RORA: variants seen among roughly 807,000 people sequenced by gnomAD.
RORA encodes RAR related orphan receptor A.
In RORA, 7 loss-of-function variants were observed where a neutral mutation model predicts 69.5. The ratio of observed to expected loss-of-function variants is 0.10; its 90% CI spans 0.06 to 0.19. RORA has a LOEUF of 0.19. RORA is among the 10% of genes least tolerant of loss of function. RORA has a pLI of 1.00. For synonymous variants in RORA, 261 were observed against 240.8 expected, an observed-to-expected ratio of 1.08 and a Z score of -0.78; for missense variants, 457 against 663.0, an observed-to-expected ratio of 0.69 and a Z score of 3.41.
At chr15:61,155,954 TATACAG>T (rs2079438143) in intron 1 of RORA, among the ~76,000 whole-genome samples, 2 of 152,174 alleles carry the variant, frequency 1.3e-5, no homozygotes, top group Non-Finnish European at 2.9e-5. Flanking sequence ...AAAACGGGAT[TATACAG>T]AGAAGACACC....
At chr15:60,589,282 G>A (rs1168826307) in intron 2 of RORA, among the ~76,000 whole-genome samples, 1 of 152,238 alleles carries the variant, frequency 6.6e-6, no homozygotes, top group Non-Finnish European at 1.5e-5. Flanking sequence ...AACACATACA[G>A]TATTTTCAAA....
chr15:60,786,509 A>G (rs1354689033), intron 1 of RORA, among the ~76,000 whole-genome samples: 3 of 152,196 alleles, frequency 2.0e-5, no homozygotes, highest in African/African-American at 7.2e-5. Context: ...GGCACAGTCC[A>G]GGCAGGTGGG....
At chr15:61,064,950 C>A (rs1248977611) in intron 1 of RORA, among the ~76,000 whole-genome samples, 1 of 152,210 alleles carries the variant, frequency 6.6e-6, no homozygotes, top group Non-Finnish European at 1.5e-5. Flanking sequence ...CATCTCCCAG[C>A]AACAGAGACT....
chr15:60,597,573 TAC>T lies in RORA; in HGVS notation c.197-65724_197-65723del, dbSNP rs1555435972. ...CAACATATATATATATATATATATA[TAC>T]ACATATATATATATATATACACATA... On this transcript the variant is annotated intron_variant, in intron 2 of 10. Coordinates refer to ENST00000335670, the MANE Select transcript of RORA (RefSeq NM_134261.3). 2.3e-3 allele frequency among the ~76,000 whole-genome samples: 88 copies of T among 38,112 alleles called. 6 individuals carry two copies. Among genetic ancestry groups the T allele is most frequent in the African/African-American group, 7.2e-3 (65 of 8,974 alleles). 25.0% of individuals were successfully genotyped at this position (38,112 alleles called of 152,430 possible).
chr15:61,070,750 G>A (rs2078330117), intron 1 of RORA, among the ~76,000 whole-genome samples: 1 of 152,142 alleles, frequency 6.6e-6, no homozygotes, highest in African/African-American at 2.4e-5. Context: ...GTAGGTGTTG[G>A]AGTTTGTACT....
chr15:60,800,869 G>A (rs2072569699), intron 1 of RORA, among the ~76,000 whole-genome samples: 1 of 152,176 alleles, frequency 6.6e-6, no homozygotes, highest in Non-Finnish European at 1.5e-5. Flanking sequence ...TTGGGCTGCA[G>A]TTAGTTCTTA....
At chr15:60,977,410 T>A (rs968085594) in intron 1 of RORA, among the ~76,000 whole-genome samples, 12 of 152,180 alleles carry the variant, frequency 7.9e-5, no homozygotes, top group African/African-American at 2.9e-4. Flanking sequence ...TATATAATTA[T>A]ACTTATTTTT....
chr15:60,910,884 T>G (rs1891688258), intron 1 of RORA, among the ~76,000 whole-genome samples: 1 of 145,482 alleles, frequency 6.9e-6, no homozygotes, highest in Admixed American at 7.1e-5. Context: ...TGTTTTTTTT[T>G]TGTTGTTGTT....
intron 2 of RORA, among the ~76,000 whole-genome samples, chr15:60,661,984 C>T (rs1279359000): frequency 6.6e-6 from 1 of 152,194 alleles, no homozygotes; most frequent in Non-Finnish European, 1.5e-5. Flanking sequence ...CTCAGTCAAC[C>T]ACACTCTATG....
chr15:60,536,860 A>C (rs960379000), intron 2 of RORA, among the ~76,000 whole-genome samples: 5 of 152,184 alleles, frequency 3.3e-5, no homozygotes, highest in Non-Finnish European at 5.9e-5. Flanking sequence ...TTTTACACAG[A>C]TCTGTTGATG....
intron 1 of RORA, among the ~76,000 whole-genome samples, chr15:60,800,895 C>T (rs947843567): frequency 6.6e-6 from 1 of 152,190 alleles, no homozygotes; most frequent in African/African-American, 2.4e-5. Context: ...TTGGTCACTC[C>T]TCTGTCCCTC....
rs1011695904 is a variant in RORA, at chr15:60,950,082, C to T, written c.167-271396G>A. ...AAAGGGAAGCCCATCAGACTAACAG[C>T]GGATCTCTCGGCAGAAACCCTACAA... On this transcript the variant is annotated intron_variant, in intron 1 of 10. Transcript: ENST00000335670. Among the ~76,000 whole-genome samples the T allele has an allele frequency of 1.9e-4, 29 of 151,512 alleles. No homozygotes were observed. The East Asian group carries it at 2.0e-3, about 10-fold the overall frequency.
At chr15:61,027,210 T>A (rs1170306843) in intron 1 of RORA, among the ~76,000 whole-genome samples, 2 of 151,794 alleles carry the variant, frequency 1.3e-5, no homozygotes, top group Non-Finnish European at 2.9e-5. Context: ...TTCACTGAAA[T>A]GAAGAGAGGA....
intron 1 of RORA, among the ~76,000 whole-genome samples, chr15:61,122,560 G>A (rs1332934086): frequency 1.3e-5 from 2 of 152,140 alleles, no homozygotes; most frequent in Non-Finnish European, 2.9e-5. Context: ...AACGTTTAAA[G>A]CCCTTTCTCA....
chr15:61,216,912 A>G (rs1484835775), intron 1 of RORA, among the ~76,000 whole-genome samples: 1 of 152,202 alleles, frequency 6.6e-6, no homozygotes, highest in African/African-American at 2.4e-5. Context: ...TAAAAACCAC[A>G]TACACATATT....
rs142465893 is a variant in RORA, at chr15:61,183,566, A to G, written c.166+45487T>C. Among the ~76,000 whole-genome samples the G allele has an allele frequency of 3.3e-3, 494 of 151,118 alleles. 3 individuals are homozygous for G. Among genetic ancestry groups the G allele is most frequent in the Non-Finnish European group, 5.7e-3 (390 of 67,830 alleles). On this transcript the variant is annotated intron_variant, in intron 1 of 10. Transcript: ENST00000335670. ...AAAAAAAAAGGAAAAAAACTGGCTC[A>G]TGGATGGACAGAGAACAGAGCTGAA...
At chr15:61,161,918 G>A (rs574769750) in intron 1 of RORA, among the ~76,000 whole-genome samples, 1 of 152,112 alleles carries the variant, frequency 6.6e-6, no homozygotes, top group Non-Finnish European at 1.5e-5. Context: ...TGTATATGCA[G>A]CCACTGAAAA....
chr15:60,708,336 C>T (rs1374624648), intron 1 of RORA, among the ~76,000 whole-genome samples: 4 of 151,308 alleles, frequency 2.6e-5, no homozygotes, highest in East Asian at 3.9e-4. Flanking sequence ...ACAGGAGAAT[C>T]GCTTGAATCC....
intron 1 of RORA, among the ~76,000 whole-genome samples, chr15:60,812,680 A>G (rs191313097): frequency 6.6e-6 from 1 of 152,368 alleles, no homozygotes; most frequent in East Asian, 1.9e-4. Flanking sequence ...TAAGGAGACC[A>G]GAGACACTCC....
Sources: gnomAD v4.1 joint callset for allele counts (sites outside exome capture counted in the v4.1 genomes callset) on GRCh38, gnomAD v4.1.1 for gene constraint, MANE v1.5 for transcripts, NCBI Gene and HGNC (gene_info 2026-07-23, HGNC 2026-07-21) for gene names.